The following UNC13A variants were observed in gnomAD, a reference collection of about 807,000 sequenced individuals.
UNC13A encodes the protein unc-13 homolog A, also known as protein unc-13 homolog A.
UNC13A carries 61 observed loss-of-function variants against 219.7 expected under a neutral mutation model. The ratio of observed to expected loss-of-function variants is 0.28; its 90% confidence interval spans 0.23 to 0.34. The LOEUF (loss-of-function observed/expected upper bound fraction) is 0.34, where lower values mean the gene tolerates loss of function less well. Ranked by LOEUF, UNC13A falls within the 10% of genes least tolerant of loss-of-function variation. The pLI is 1.00. For synonymous variants in UNC13A, 920 were observed against 884.6 expected, an observed-to-expected ratio of 1.04 and a Z score of -0.71; for missense variants, 1,476 against 2,270.3, an observed-to-expected ratio of 0.65 and a Z score of 7.11.
At chr19:17,683,909 C>A (rs1483717885) in intron 1 of UNC13A, among the ~76,000 whole-genome samples, 1 of 151,610 alleles carries the variant, frequency 6.6e-6, no homozygotes, top group Non-Finnish European at 1.5e-5. Context: ...GGCAGCAGGG[C>A]AAAACCCTGC....
Position 17,606,075 on chromosome 19 carries a change from G to C in UNC13A, c.5091C>G (p.Gly1697=). ...LKSDTRSAEE[G]GAAPAP ...CGCGCTAAGGCGCAGGCGCGGCACC[G>C]CCCTCCTCGGCGGAGCGCGTGTCCG... Residue 1697 remains glycine (G), a synonymous_variant, in exon 44 of 44, where the codon GGC becomes GGG. Transcript: ENST00000519716. 9 of 1,581,026 alleles carry C rather than the reference G, an allele frequency of 5.7e-6. No individual in the cohort carries two copies. Among genetic ancestry groups the C allele is most frequent in the Non-Finnish European group, 6.9e-6 (8 of 1,167,228 alleles).
At chr19:17,684,460 A>C (rs575803039) in intron 1 of UNC13A, among the ~76,000 whole-genome samples, 1 of 152,174 alleles carries the variant, frequency 6.6e-6, no homozygotes, top group Non-Finnish European at 1.5e-5. Flanking sequence ...GTGCTCAATT[A>C]ATGCTTGTTG....
At chr19:17,608,452 A>G (rs1442007250) in intron 43 of UNC13A, among the ~76,000 whole-genome samples, 1 of 138,446 alleles carries the variant, frequency 7.2e-6, no homozygotes, top group East Asian at 2.0e-4. Flanking sequence ...TATATTATAT[A>G]ATATAATATA....
chr19:17,634,848 C>T (rs1267029491), intron 26 of UNC13A, among the ~76,000 whole-genome samples: 1 of 152,066 alleles, frequency 6.6e-6, no homozygotes, highest in East Asian at 1.9e-4. Flanking sequence ...ACGTGTACCA[C>T]CACGCCCGGT....
intron 26 of UNC13A, among the ~76,000 whole-genome samples, chr19:17,634,756 CG>C (rs1195240651): frequency 6.6e-6 from 1 of 152,020 alleles, no homozygotes; most frequent in Non-Finnish European, 1.5e-5. Flanking sequence ...AGTGCAGTGG[CG>C]CAATCTCGAC....
intron 25 of UNC13A, among the ~76,000 whole-genome samples, chr19:17,638,692 G>T (rs2076936222): frequency 6.6e-6 from 1 of 151,876 alleles, no homozygotes. Flanking sequence ...AACTAGGTGT[G>T]GTGGTGGGCA....
intron 36 of UNC13A, chr19:17,622,424 G>C (rs532856497): frequency 6.5e-6 from 1 of 153,444 alleles, no homozygotes; most frequent in African/African-American, 2.4e-5. Context: ...CTGGCATATG[G>C]GGAGTCATTA....
At position 17,658,269 on chromosome 19, in the gene UNC13A, T is replaced by C. The variant is rs774672931; in HGVS notation, c.560A>G (p.Asn187Ser). 9 of 1,610,934 alleles carry C rather than the reference T, an allele frequency of 5.6e-6. No individual in the cohort carries two copies. Among genetic ancestry groups the C allele is most frequent in the Non-Finnish European group, 7.6e-6 (9 of 1,178,636 alleles). The change falls in exon 9 of 44, where the codon AAC becomes AGC. Residue 187 changes from asparagine to serine, a missense_variant and splice_region_variant. This residue lies in a region of UNC13A where 203 missense variants were observed against 301.6 expected (regional missense o/e 0.67). Coordinates refer to ENST00000519716, the MANE Select transcript of UNC13A (RefSeq NM_001080421.3). ...WNYFGWGEQH[N>S]DDPDSAVDDR... is the part of the protein sequence containing the mutation. ...ATCCACTGCACTGTCGGGGTCATCG[T>C]CTGGAAGAGAGAGGCGGTATGGGAA...
At chr19:17,613,682 T>C (rs1278139077) in intron 41 of UNC13A, 2 of 151,206 alleles carry the variant, frequency 1.3e-5, no homozygotes, top group South Asian at 2.1e-4. Context: ...ATTTCCCTTC[T>C]AGTGCAGAAT....
intron 1 of UNC13A, among the ~76,000 whole-genome samples, chr19:17,680,889 C>CT (rs375785182): frequency 0.028 from 1,358 of 48,618 alleles, 244 homozygotes; most frequent in South Asian, 0.059. Context: ...CTTTTCTTTT[C>CT]TTTTTTTTTT....
Position 17,639,228 on chromosome 19 carries a change from G to A in UNC13A, c.2947-11C>T, listed in dbSNP as rs762579062. 3 of 1,613,762 alleles carry A rather than the reference G, an allele frequency of 1.9e-6. No homozygotes were observed. Among genetic ancestry groups the A allele is most frequent in the Non-Finnish European group, 2.5e-6 (3 of 1,179,802 alleles). On this transcript the variant is annotated splice_polypyrimidine_tract_variant and intron_variant, in intron 24 of 43. Coordinates refer to ENST00000519716, the MANE Select transcript of UNC13A (RefSeq NM_001080421.3). Reference sequence around the variant, plus strand: ...CTGGAGTTCTTGTACCTGAAGGGAGGGAGAGAGGCATAGGCGGCCACAGCT... The same window carrying A: ...CTGGAGTTCTTGTACCTGAAGGGAGAGAGAGAGGCATAGGCGGCCACAGCT...
rs868249784 is a variant in UNC13A at position 17,663,669 on chromosome 19, C to A, written c.524-102G>T. The A allele has an allele frequency of 7.8e-6, 10 of 1,288,960 alleles. No homozygotes were observed. The Middle Eastern group carries it at 7.5e-4, about 96-fold the overall frequency. The allele number at this position is 1,288,960 out of a possible 1,614,324, so 79.8% of individuals were successfully genotyped here. Reference sequence around the variant, plus strand: ...CCTCACTCTCCCCAACTGCTCCCCCCACCCCAAAAGTCCCTCTTGTCCTGA... The same window carrying A: ...CCTCACTCTCCCCAACTGCTCCCCCAACCCCAAAAGTCCCTCTTGTCCTGA... On this transcript the variant is annotated intron_variant, in intron 7 of 43. Transcript: ENST00000519716.
chr19:17,676,214 A>G, intron 1 of UNC13A, 173 bp from the exon 2 acceptor site: 2 of 751,728 alleles, frequency 2.7e-6, no homozygotes, highest in Admixed American at 4.0e-5. Flanking sequence ...AAAGAAAGAT[A>G]GAAGCAATGT....
At chr19:17,650,933 ATTTTTT>A (rs34451347) in intron 12 of UNC13A, among the ~76,000 whole-genome samples, 317 of 128,266 alleles carry the variant, frequency 2.5e-3, no homozygotes, top group African/African-American at 8.1e-3. Context: ...CACCCAGCAA[ATTTTTT>A]TTTTTTTTTT....
intron 42 of UNC13A, among the ~76,000 whole-genome samples, chr19:17,610,452 C>G (rs1568497764): frequency 1.3e-5 from 2 of 152,050 alleles, no homozygotes; most frequent in Non-Finnish European, 2.9e-5. Flanking sequence ...TGTGACAAAG[C>G]AAGATCCTGT....
intron 25 of UNC13A, among the ~76,000 whole-genome samples, chr19:17,636,769 G>A (rs1249605746): frequency 6.6e-6 from 1 of 152,102 alleles, no homozygotes; most frequent in Non-Finnish European, 1.5e-5. Context: ...CAATGGAAAT[G>A]AATATAATCA....
chr19:17,620,627 G>T, intron 38 of UNC13A, 66 bp downstream of exon 38: 1 of 1,499,944 alleles, frequency 6.7e-7, no homozygotes, highest in African/African-American at 1.4e-5. Flanking sequence ...AGGTGGAAGG[G>T]GGCACAGGGG....
Position 17,654,653 on chromosome 19 carries a change from T to C in UNC13A, c.1392+621A>G, listed in dbSNP as rs556603152. Among the ~76,000 whole-genome samples, 122 of 152,258 alleles carry C rather than the reference T, an allele frequency of 8.0e-4. 1 individual carries two copies. The highest frequency in any genetic ancestry group is 2.8e-3 in the African/African-American group (118 of 41,566). On this transcript the variant is annotated intron_variant, in intron 11 of 43. Coordinates refer to ENST00000519716, the MANE Select transcript of UNC13A (RefSeq NM_001080421.3). ...ACAGTCAGCTTGCCCCTGATGCTGA[T>C]TGCTTCCCTTGATTCCTACTCCCCT...
chr19:17,609,851 C>T, intron 43 of UNC13A, 89 bp downstream of exon 43: 4 of 1,571,796 alleles, frequency 2.5e-6, no homozygotes, highest in Non-Finnish European at 3.5e-6. Flanking sequence ...GCCCAGATTC[C>T]AGATACCTCC....
Sources: allele counts gnomAD v4.1 joint callset (sites outside exome capture counted in the v4.1 genomes callset), GRCh38; gene constraint gnomAD v4.1.1; regional missense constraint gnomAD v4.1.1; transcripts MANE v1.5; gene names NCBI Gene and HGNC (gene_info 2026-07-23, HGNC 2026-07-21).